Variants in FRMD4A observed in about 807,000 individuals in gnomAD.
The protein encoded by FRMD4A is FERM domain-containing protein 4A.
In FRMD4A, 29 loss-of-function variants were observed where a neutral mutation model predicts 129.1. That is an observed-to-expected ratio of 0.22 (90% CI 0.17 to 0.31). FRMD4A has a LOEUF of 0.31. Ranked by LOEUF, FRMD4A falls within the 10% of genes least tolerant of loss-of-function variation. The pLI is 1.00. For synonymous variants in FRMD4A, 634 were observed against 571.6 expected, an observed-to-expected ratio of 1.11 and a Z score of -1.56; for missense variants, 1,272 against 1,375.8, an observed-to-expected ratio of 0.92 and a Z score of 1.19.
At chr10:14,284,980 C>T (rs1451889798) in intron 2 of FRMD4A, among the ~76,000 whole-genome samples, 1 of 152,108 alleles carries the variant, frequency 6.6e-6, no homozygotes, top group Non-Finnish European at 1.5e-5. Flanking sequence ...TATTTGATAC[C>T]CAGGTCCAAC....
At chr10:13,750,219 G>GA (rs1588552405) in intron 8 of FRMD4A, among the ~76,000 whole-genome samples, 1 of 152,144 alleles carries the variant, frequency 6.6e-6, no homozygotes, top group East Asian at 1.9e-4. Flanking sequence ...CAACTAGAGG[G>GA]AAAAGCTCAA....
chr10:14,140,779 C>A (rs1839795799), intron 2 of FRMD4A, among the ~76,000 whole-genome samples: 2 of 152,178 alleles, frequency 1.3e-5, no homozygotes, highest in Non-Finnish European at 1.5e-5. Context: ...ATATATATAT[C>A]TCACACCTTT....
chr10:14,258,725 T>C (rs140576509), intron 2 of FRMD4A, among the ~76,000 whole-genome samples: 158 of 152,338 alleles, frequency 1.0e-3, no homozygotes, highest in African/African-American at 3.8e-3. Context: ...GAAACGTTCA[T>C]AGTTGTTTTA....
At chr10:13,884,210 A>ACACACT (rs1564971793) in intron 2 of FRMD4A, among the ~76,000 whole-genome samples, 1 of 80,758 alleles carries the variant, frequency 1.2e-5, no homozygotes, top group South Asian at 5.2e-4. Context: ...ACACACACTC[A>ACACACT]CACACACACA....
At chr10:13,832,250 AG>A (rs2093801660) in intron 3 of FRMD4A, among the ~76,000 whole-genome samples, 2 of 152,054 alleles carry the variant, frequency 1.3e-5, no homozygotes, top group Admixed American at 1.3e-4. Context: ...TGTCCTTTCT[AG>A]CTGCTTGATT....
chr10:14,020,134 T>C (rs1832673706), intron 2 of FRMD4A, among the ~76,000 whole-genome samples: 1 of 152,240 alleles, frequency 6.6e-6, no homozygotes, highest in African/African-American at 2.4e-5. Flanking sequence ...TCCCGTCTTG[T>C]GCTCTTGGCA....
rs542318073 is a variant in FRMD4A at position 14,128,665 on chromosome 10, G to T, written c.45+201393C>A. 2.0e-5 allele frequency among the ~76,000 whole-genome samples: 3 copies of T among 152,296 alleles called. No individual in the cohort carries two copies. The East Asian group carries it at 5.8e-4, about 29-fold the overall frequency. ...CCAACTCAGCGGGCCGTATGTTACT[G>T]CAGGCAAGACTCCTAGTTTTGTAAT... On this transcript the variant is annotated intron_variant, in intron 2 of 24. Transcript: ENST00000357447.
chr10:13,988,699 G>A (rs180769720), intron 2 of FRMD4A, among the ~76,000 whole-genome samples: 74 of 152,282 alleles, frequency 4.9e-4, no homozygotes, highest in Admixed American at 9.1e-4. Flanking sequence ...TAGTTGAACA[G>A]ATGGATGGAT....
chr10:13,686,400 G>C lies in FRMD4A; in HGVS notation c.1117+7498C>G, dbSNP rs944533384. Reference sequence around the variant, plus strand: ...GCCTATCAGCTCCCCTCTCTGTTTGGAGAGATGTCAGATAGCTGGCACTCT... The same window carrying C: ...GCCTATCAGCTCCCCTCTCTGTTTGCAGAGATGTCAGATAGCTGGCACTCT... On this transcript the variant is annotated intron_variant, in intron 15 of 24. Coordinates refer to ENST00000357447, the MANE Select transcript of FRMD4A (RefSeq NM_018027.5). Among the ~76,000 whole-genome samples the C allele has an allele frequency of 7.9e-5, 12 of 152,318 alleles. No homozygotes were observed. In the East Asian group the frequency reaches 2.3e-3, roughly 29 times the overall value.
intron 2 of FRMD4A, among the ~76,000 whole-genome samples, chr10:13,926,530 T>G (rs1334690148): frequency 6.6e-6 from 1 of 152,196 alleles, no homozygotes; most frequent in Non-Finnish European, 1.5e-5. Flanking sequence ...ATAAGAAGCC[T>G]GCTAGAGATT....
chr10:14,135,838 G>C (rs1315432378), intron 2 of FRMD4A, among the ~76,000 whole-genome samples: 3 of 152,142 alleles, frequency 2.0e-5, no homozygotes, highest in African/African-American at 7.2e-5. Flanking sequence ...TAGAACATTG[G>C]ACTGAATACA....
intron 3 of FRMD4A, among the ~76,000 whole-genome samples, chr10:13,820,108 C>G (rs902944941): frequency 2.0e-5 from 3 of 152,138 alleles, no homozygotes; most frequent in African/African-American, 4.8e-5. Context: ...GGCGAGGAAC[C>G]CCAGTCACTA....
intron 2 of FRMD4A, among the ~76,000 whole-genome samples, chr10:14,070,691 C>A (rs549465628): frequency 1.1e-4 from 17 of 152,128 alleles, no homozygotes; most frequent in Non-Finnish European, 2.2e-4. Context: ...TTTGTTATAA[C>A]CACAATAGAT....
At chr10:14,307,662 C>T (rs910946575) in intron 2 of FRMD4A, among the ~76,000 whole-genome samples, 9 of 152,124 alleles carry the variant, frequency 5.9e-5, no homozygotes, top group Admixed American at 5.2e-4. Flanking sequence ...AGGAATAGTC[C>T]AACTCCATTG....
intron 2 of FRMD4A, among the ~76,000 whole-genome samples, chr10:14,246,934 C>T (rs1844263454): frequency 2.0e-5 from 3 of 152,104 alleles, no homozygotes; most frequent in Admixed American, 1.3e-4. Flanking sequence ...GGTAGTGTAG[C>T]TGCGTTGTGT....
chr10:14,321,748 G>T (rs1375081396), intron 2 of FRMD4A, among the ~76,000 whole-genome samples: 1 of 152,170 alleles, frequency 6.6e-6, no homozygotes, highest in East Asian at 1.9e-4. Flanking sequence ...CCAGGTAAGA[G>T]GCCCTGCAGG....
intron 12 of FRMD4A, among the ~76,000 whole-genome samples, chr10:13,730,974 G>A (rs1339185593): frequency 6.6e-6 from 1 of 151,290 alleles, no homozygotes; most frequent in Admixed American, 6.6e-5. Flanking sequence ...GTTGCAGTGA[G>A]CCAATATCGT....
At chr10:13,845,257 C>G (rs145189124) in intron 3 of FRMD4A, among the ~76,000 whole-genome samples, 42 of 152,238 alleles carry the variant, frequency 2.8e-4, no homozygotes, top group African/African-American at 1.0e-3. Flanking sequence ...ATCCTATGAC[C>G]TTGACACATG....
chr10:14,226,466 C>T (rs1442352838), intron 2 of FRMD4A, among the ~76,000 whole-genome samples: 4 of 152,304 alleles, frequency 2.6e-5, no homozygotes, highest in South Asian at 2.1e-4. Context: ...TAGAAATGTA[C>T]AGTCTCACAG....
Sources: gnomAD v4.1 joint callset for allele counts (sites outside exome capture counted in the v4.1 genomes callset) on GRCh38, gnomAD v4.1.1 for gene constraint, MANE v1.5 for transcripts, NCBI Gene and HGNC (gene_info 2026-07-23, HGNC 2026-07-21) for gene names.